FRMPD1: variants seen among roughly 807,000 people sequenced by gnomAD.
FRMPD1 encodes the protein FERM and PDZ domain-containing protein 1.
In FRMPD1, 76 loss-of-function variants were observed where a neutral mutation model predicts 117.8. The observed-to-expected ratio is 0.65, with a 90% CI of 0.54 to 0.78. The LOEUF (loss-of-function observed/expected upper bound fraction) is 0.78, where lower values mean the gene tolerates loss of function less well. FRMPD1 is among the 30% of genes least tolerant of loss of function. The probability of loss-of-function intolerance (pLI) is 0.00; values close to 1 mark genes in which losing one functional copy is unlikely to be tolerated. For synonymous variants in FRMPD1, 783 were observed against 770.4 expected (o/e 1.02, Z -0.27); for missense variants, 1,786 against 1,964.5 (o/e 0.91, Z 1.72).
chr9:37,684,995 C>G (rs1047013993), intron 1 of FRMPD1, among the ~76,000 whole-genome samples: 1 of 152,048 alleles, frequency 6.6e-6, no homozygotes, highest in African/African-American at 2.4e-5. Context: ...CTTAAGCAAT[C>G]CTCCCTGCTC....
At chr9:37,655,496 C>CTTTTTT (rs10615941) in intron 1 of FRMPD1, among the ~76,000 whole-genome samples, 54 of 88,584 alleles carry the variant, frequency 6.1e-4, no homozygotes, top group East Asian at 1.5e-3. Context: ...TGTCCCCACT[C>CTTTTTT]TTTTTTTTTT....
At chr9:37,662,688 G>A (rs1452061783) in intron 1 of FRMPD1, among the ~76,000 whole-genome samples, 2 of 152,066 alleles carry the variant, frequency 1.3e-5, no homozygotes, top group Non-Finnish European at 2.9e-5. Context: ...TTTTTGCTTT[G>A]AATTGGAATT....
At chr9:37,699,684 A>C (rs1255125048) in intron 2 of FRMPD1, among the ~76,000 whole-genome samples, 1 of 152,194 alleles carries the variant, frequency 6.6e-6, no homozygotes, top group African/African-American at 2.4e-5. Flanking sequence ...AGATCTAAAG[A>C]AGCATAAAGA....
intron 1 of FRMPD1, among the ~76,000 whole-genome samples, chr9:37,658,311 G>A (rs897043256): frequency 3.3e-5 from 5 of 152,158 alleles, no homozygotes; most frequent in Admixed American, 2.0e-4. Flanking sequence ...GGGCCACTAC[G>A]GAACTGCATG....
At position 37,744,721 on chromosome 9, in the gene FRMPD1, C is replaced by T; in HGVS notation, c.2689C>T (p.Leu897=). The T allele has an allele frequency of 6.2e-7, 1 of 1,613,966 alleles. No homozygotes were observed. Among genetic ancestry groups the T allele is most frequent in the Non-Finnish European group, 8.5e-7 (1 of 1,179,916 alleles). Residue 897 remains leucine, a synonymous_variant, in exon 16 of 16, where the codon CTG becomes TTG. Coordinates refer to ENST00000377765, the MANE Select transcript of FRMPD1 (RefSeq NM_014907.3). The stretch of plus-strand genomic sequence containing the variant: ...GGACATGCAGGGTGAGCCTGGCCTT[C>T]TGGAGACCAAGGCCTTGGGGCTGCT... ...LQDMQGEPGL[L]ETKALGLLAP... is the part of the protein sequence containing the mutation.
chr9:37,725,379 C>T (rs779096812), intron 7 of FRMPD1, among the ~76,000 whole-genome samples: 9 of 152,196 alleles, frequency 5.9e-5, no homozygotes, highest in Non-Finnish European at 1.0e-4. Flanking sequence ...AGGGCCAATG[C>T]AGCTATAGGG....
At chr9:37,628,256 A>T in the FRMPD1 span, among the ~76,000 whole-genome samples, 2 of 152,336 alleles carry the variant, frequency 1.3e-5, no homozygotes, top group East Asian at 3.9e-4. Flanking sequence ...GTGCACCAAT[A>T]CTTCCAGCCC....
rs776986963 is a variant in FRMPD1 at position 37,692,615 on chromosome 9, A to G, written c.-4-23A>G. The G allele has an allele frequency of 2.0e-6, 3 of 1,475,446 alleles. No homozygotes were observed. In the South Asian group the frequency reaches 3.4e-5, roughly 17 times the overall value. 91.4% of individuals were successfully genotyped at this position (1,475,446 alleles called of 1,614,324 possible). ...TTTAGAGTATTTTGGTTAGCATCTT[A>G]AGAACACTCTTCTTCCTTTTAGGTA... is the stretch of plus-strand genomic sequence containing the variant. On this transcript the variant is annotated intron_variant, in intron 1 of 15. Coordinates refer to ENST00000377765, the MANE Select transcript of FRMPD1 (RefSeq NM_014907.3).
At chr9:37,679,026 C>A (rs1252160236) in intron 1 of FRMPD1, among the ~76,000 whole-genome samples, 1 of 152,328 alleles carries the variant, frequency 6.6e-6, no homozygotes, top group South Asian at 2.1e-4. Flanking sequence ...TAGAGGTGAT[C>A]CCCCTTCTTC....
chr9:37,681,098 C>T (rs112259142), intron 1 of FRMPD1, among the ~76,000 whole-genome samples: 1,820 of 151,304 alleles, frequency 0.012, 32 homozygotes, highest in African/African-American at 0.041. Flanking sequence ...CTGTAATCCC[C>T]GCTACCCTGG....
intron 7 of FRMPD1, among the ~76,000 whole-genome samples, chr9:37,728,779 A>G (rs1169440470): frequency 6.6e-6 from 1 of 152,050 alleles, no homozygotes; most frequent in African/African-American, 2.4e-5. Flanking sequence ...TATGACCAAC[A>G]TGGTGAAACT....
the FRMPD1 span, among the ~76,000 whole-genome samples, chr9:37,631,969 A>G: frequency 6.6e-6 from 1 of 152,162 alleles, no homozygotes; most frequent in Admixed American, 6.5e-5. Flanking sequence ...TTTTTTCCTG[A>G]TAAGAGAAGT....
chr9:37,711,322 T>C (rs1245869349), intron 4 of FRMPD1, 28 bp from the exon 5 acceptor site: 2 of 1,527,926 alleles, frequency 1.3e-6, no homozygotes, highest in South Asian at 1.1e-5. Flanking sequence ...CGACTAAATG[T>C]TTTTGTCTTT....
At chr9:37,743,520 CTTTTTTTTTTTTTTTTTTTT>C (rs531949141) in intron 15 of FRMPD1, among the ~76,000 whole-genome samples, 56 of 40,932 alleles carry the variant, frequency 1.4e-3, no homozygotes, top group Admixed American at 2.7e-3. Context: ...AATGGCTCTG[CTTTTTTTTTTTTTTTTTTTT>C]TTTTTTTTTT....
At chr9:37,617,176 G>T in the FRMPD1 span, among the ~76,000 whole-genome samples, 1 of 152,166 alleles carries the variant, frequency 6.6e-6, no homozygotes, top group South Asian at 2.1e-4. Context: ...ATGGAAATGG[G>T]TTTCTAAGCA....
Position 37,746,083 on chromosome 9 carries a change from A to G in FRMPD1, c.4051A>G (p.Thr1351Ala). The change falls in exon 16 of 16, where the codon ACA (threonine) becomes GCA (alanine). Residue 1351 changes from threonine (T) to alanine (A), a missense_variant. Transcript: ENST00000377765. Reference protein sequence around the residue: ...ATCFRGPQPETEEEDRDLEAH... With the variant: ...ATCFRGPQPEAEEEDRDLEAH... Reference sequence around the variant, plus strand: ...ATGCTTCCGTGGCCCGCAGCCTGAGACAGAGGAAGAAGACAGGGACTTGGA... The same window carrying G: ...ATGCTTCCGTGGCCCGCAGCCTGAGGCAGAGGAAGAAGACAGGGACTTGGA... 6.2e-7 allele frequency: 1 copy of G among 1,614,182 alleles called. No homozygotes were observed. Among genetic ancestry groups the G allele is most frequent in the African/African-American group, 1.3e-5 (1 of 75,056 alleles).
chr9:37,644,337 GCTGA>G, the FRMPD1 span, among the ~76,000 whole-genome samples: 1 of 152,206 alleles, frequency 6.6e-6, no homozygotes, highest in Admixed American at 6.5e-5. Context: ...CACTAGCGAG[GCTGA>G]CTAGTTCTCA....
At chr9:37,614,085 T>G in the FRMPD1 span, among the ~76,000 whole-genome samples, 1 of 152,232 alleles carries the variant, frequency 6.6e-6, no homozygotes, top group Admixed American at 6.5e-5. Flanking sequence ...CTTAGAGACC[T>G]CTCATATGAC....
chr9:37,720,077 C>G (rs1350019821), intron 6 of FRMPD1, among the ~76,000 whole-genome samples: 1 of 152,144 alleles, frequency 6.6e-6, no homozygotes, highest in Non-Finnish European at 1.5e-5. Context: ...AACAAAGGAT[C>G]CAGGTGACAT....
Sources: gnomAD v4.1 joint callset for allele counts (sites outside exome capture counted in the v4.1 genomes callset) on GRCh38, gnomAD v4.1.1 for gene constraint, MANE v1.5 for transcripts, NCBI Gene and HGNC (gene_info 2026-07-23, HGNC 2026-07-21) for gene names.